The following GRM1 variants were observed in gnomAD, a reference collection of about 807,000 sequenced individuals.
GRM1 encodes the protein glutamate metabotropic receptor 1, also known as metabotropic glutamate receptor 1.
Under a neutral mutation model 90.9 loss-of-function variants are expected in GRM1, and 33 were observed. The ratio of observed to expected loss-of-function variants is 0.36; its 90% CI spans 0.28 to 0.49. The LOEUF is 0.49. GRM1 is among the 20% of genes least tolerant of loss of function. The probability of loss-of-function intolerance (pLI) is 0.99; values close to 1 mark genes in which losing one functional copy is unlikely to be tolerated. For missense variants in GRM1, 1,190 were observed against 1,534.3 expected, an observed-to-expected ratio of 0.78 and a Z score of 3.75; for synonymous variants, 700 against 613.2, an observed-to-expected ratio of 1.14 and a Z score of -2.09.
At chr6:146,357,456 C>T in intron 4 of GRM1, 70 bp from the exon 5 acceptor site, 1 of 1,256,048 alleles carries the variant, frequency 8.0e-7, no homozygotes, top group Non-Finnish European at 1.2e-6. Flanking sequence ...TTATTATCTA[C>T]TTACCAACTT....
At chr6:146,145,281 G>A (rs989957763) in intron 1 of GRM1, among the ~76,000 whole-genome samples, 1 of 152,122 alleles carries the variant, frequency 6.6e-6, no homozygotes, top group Non-Finnish European at 1.5e-5. Context: ...ACAGATAGAA[G>A]GAAGCTGCAT....
chr6:146,303,654 G>A (rs890521270), intron 2 of GRM1, among the ~76,000 whole-genome samples: 1 of 152,138 alleles, frequency 6.6e-6, no homozygotes, highest in Non-Finnish European at 1.5e-5. Context: ...AAACACAGAT[G>A]CCTAATCACA....
intron 2 of GRM1, among the ~76,000 whole-genome samples, chr6:146,218,552 CAA>C (rs748796558): frequency 5.3e-5 from 8 of 151,984 alleles, no homozygotes; most frequent in Non-Finnish European, 1.0e-4. Context: ...AAGATTCTGA[CAA>C]AGTCAGTTAG....
chr6:146,203,119 G>A (rs551450901), intron 2 of GRM1, among the ~76,000 whole-genome samples: 4 of 151,980 alleles, frequency 2.6e-5, no homozygotes, highest in African/African-American at 7.2e-5. Flanking sequence ...GCGTGAACCC[G>A]GGAGGCGGAG....
At chr6:146,065,741 C>T (rs889067052) in intron 1 of GRM1, among the ~76,000 whole-genome samples, 52 of 152,080 alleles carry the variant, frequency 3.4e-4, no homozygotes, top group African/African-American at 1.2e-3. Context: ...TAGGAGAAGG[C>T]GGAAGGAATG....
At position 146,398,892 on chromosome 6, in the gene GRM1, G is replaced by A. The variant is rs1442738226; in HGVS notation, c.1853G>A (p.Arg618Gln). Residue 618 changes from arginine (R) to glutamine (Q), a missense_variant, in exon 7 of 8, where the codon CGG (arginine) becomes CAG (glutamine). By Grantham distance (43) the Arg-to-Gln change is conservative (BLOSUM62 1). Transcript: ENST00000282753. ...LFVTLIFVLY[R>Q]DTPVVKSSSR... ...GTCACCCTAATCTTTGTACTGTACC[G>A]GGACACACCAGTGGTCAAATCCTCC... 3.7e-6 allele frequency: 6 copies of A among 1,613,570 alleles called. No homozygotes were observed. Among genetic ancestry groups the A allele is most frequent in the Admixed American group, 3.3e-5 (2 of 59,968 alleles).
At chr6:146,280,079 CT>C (rs1241221790) in intron 2 of GRM1, among the ~76,000 whole-genome samples, 2 of 152,006 alleles carry the variant, frequency 1.3e-5, no homozygotes, top group African/African-American at 4.8e-5. Flanking sequence ...CATTCAAATA[CT>C]TTTTTCATTC....
intron 5 of GRM1, among the ~76,000 whole-genome samples, chr6:146,371,032 A>AT (rs1775879762): frequency 6.6e-6 from 1 of 151,648 alleles, no homozygotes; most frequent in Non-Finnish European, 1.5e-5. Context: ...CTTCATTTCC[A>AT]TTTTTTCTTT....
chr6:146,300,991 A>T (rs967772983), intron 2 of GRM1, among the ~76,000 whole-genome samples: 4 of 152,342 alleles, frequency 2.6e-5, no homozygotes, highest in African/African-American at 9.6e-5. Flanking sequence ...TTGACAGGTG[A>T]TACAAAGATG....
At chr6:146,149,997 C>A (rs1468802298) in intron 1 of GRM1, among the ~76,000 whole-genome samples, 3 of 152,138 alleles carry the variant, frequency 2.0e-5, no homozygotes, top group African/African-American at 4.8e-5. Flanking sequence ...ACTGACCAGA[C>A]CCATCATGCT....
intron 5 of GRM1, among the ~76,000 whole-genome samples, chr6:146,384,500 C>T (rs1447032478): frequency 6.6e-6 from 1 of 152,086 alleles, no homozygotes; most frequent in Non-Finnish European, 1.5e-5. Flanking sequence ...ACAAACTAAG[C>T]TGTAAGTTGC....
At chr6:146,200,139 A>G (rs978564562) in intron 2 of GRM1, among the ~76,000 whole-genome samples, 1 of 152,162 alleles carries the variant, frequency 6.6e-6, no homozygotes, top group African/African-American at 2.4e-5. Flanking sequence ...TGAACTAAAC[A>G]TAGATTTGCC....
rs1336585104 is a variant in GRM1, at chr6:146,433,986, C to T, written c.2775C>T (p.Asn925=). Reference sequence around the variant, plus strand: ...TGAAGACCAATGAGACGGCCTGCAACCAAACAGCCGTCATCAAGCCCCTCA... The same window carrying T: ...TGAAGACCAATGAGACGGCCTGCAATCAAACAGCCGTCATCAAGCCCCTCA... ...VHVKTNETAC[N]QTAVIKPLTK... The change falls in exon 8 of 8, where the codon AAC becomes AAT. Residue 925 remains asparagine, a synonymous_variant. Coordinates refer to ENST00000282753, the MANE Select transcript of GRM1 (RefSeq NM_001278064.2). 7.4e-6 allele frequency: 12 copies of T among 1,613,932 alleles called. No homozygotes were observed. Among genetic ancestry groups the T allele is most frequent in the African/African-American group, 1.3e-5 (1 of 74,920 alleles).
At chr6:146,229,719 C>A (rs1780377843) in intron 2 of GRM1, among the ~76,000 whole-genome samples, 1 of 151,968 alleles carries the variant, frequency 6.6e-6, no homozygotes, top group Non-Finnish European at 1.5e-5. Context: ...TGGGAGTAAG[C>A]AAAATGTTAT....
intron 3 of GRM1, among the ~76,000 whole-genome samples, chr6:146,341,049 C>A (rs968881081): frequency 1.4e-4 from 22 of 152,204 alleles, no homozygotes; most frequent in African/African-American, 4.8e-4. Context: ...GAGAGTTCTG[C>A]TGTACTACCA....
intron 2 of GRM1, among the ~76,000 whole-genome samples, chr6:146,271,100 G>T (rs1292852634): frequency 1.3e-5 from 2 of 151,206 alleles, no homozygotes; most frequent in African/African-American, 2.4e-5. Flanking sequence ...CACCTCCCAG[G>T]TTCAAGCAAT....
At chr6:146,069,945 C>G (rs1228026138) in intron 1 of GRM1, among the ~76,000 whole-genome samples, 1 of 152,158 alleles carries the variant, frequency 6.6e-6, no homozygotes, top group Non-Finnish European at 1.5e-5. Context: ...GGTCATTCAG[C>G]TATAAGATGG....
At chr6:146,353,556 C>T (rs927420024) in intron 4 of GRM1, among the ~76,000 whole-genome samples, 1 of 152,204 alleles carries the variant, frequency 6.6e-6, no homozygotes, top group Non-Finnish European at 1.5e-5. Flanking sequence ...AGTGCTCTCA[C>T]TCTGAGGCTT....
chr6:146,259,157 T>A (rs542838228), intron 2 of GRM1, among the ~76,000 whole-genome samples: 1 of 152,250 alleles, frequency 6.6e-6, no homozygotes, highest in South Asian at 2.1e-4. Flanking sequence ...CCCTTCCACC[T>A]CTTTCCTTGA....
Sources: gnomAD v4.1 joint callset for allele counts (sites outside exome capture counted in the v4.1 genomes callset) on GRCh38, gnomAD v4.1.1 for gene constraint, MANE v1.5 for transcripts, NCBI Gene and HGNC (gene_info 2026-07-23, HGNC 2026-07-21) for gene names.